DPY30: variants seen among roughly 807,000 people sequenced by gnomAD.
The protein encoded by DPY30 is protein dpy-30 homolog.
A neutral mutation model predicts 16.2 loss-of-function variants in DPY30; 6 were observed. The ratio of observed to expected loss-of-function variants is 0.37; its 90% CI spans 0.20 to 0.73. The LOEUF is 0.73. Ranked by LOEUF, DPY30 falls within the 30% of genes least tolerant of loss-of-function variation. The pLI is 0.51. For synonymous variants in DPY30, 39 were observed against 38.8 expected, an observed-to-expected ratio of 1.00 and a Z score of -0.02; for missense variants, 73 against 113.1, an observed-to-expected ratio of 0.65 and a Z score of 1.61.
chr2:32,036,220 C>T (rs1478764453), intron 3 of DPY30, among the ~76,000 whole-genome samples: 1 of 151,932 alleles, frequency 6.6e-6, no homozygotes, highest in Non-Finnish European at 1.5e-5. Flanking sequence ...TCAAGGAATC[C>T]TCCCACCTTG....
chr2:32,017,615 CA>C (rs59826181), intron 5 of DPY30, among the ~76,000 whole-genome samples: 127,980 of 134,320 alleles, frequency 0.95, 60,909 homozygotes, highest in East Asian at 0.99. Context: ...AACACCATCT[CA>C]AAAAAAAAAA....
downstream of DPY30, among the ~76,000 whole-genome samples, chr2:32,022,658 C>G (rs1031591901): frequency 3.3e-5 from 5 of 151,958 alleles, no homozygotes; most frequent in Admixed American, 6.6e-5. Context: ...GCTGGGACGA[C>G]AGGCACATGC....
chr2:32,027,701 T>C (rs1467990119), intron 4 of DPY30, among the ~76,000 whole-genome samples: 1 of 140,302 alleles, frequency 7.1e-6, no homozygotes, highest in African/African-American at 2.7e-5. Context: ...CAATCTCGGC[T>C]CACTGCAAGC....
intron 3 of DPY30, among the ~76,000 whole-genome samples, chr2:32,035,294 T>A (rs1291895665): frequency 6.6e-6 from 1 of 151,468 alleles, no homozygotes; most frequent in Non-Finnish European, 1.5e-5. Context: ...AAAACAAAAA[T>A]TAAATAAATA....
downstream of DPY30, among the ~76,000 whole-genome samples, chr2:32,019,874 GTA>G (rs543935606): frequency 2.9e-3 from 405 of 137,994 alleles, 4 homozygotes; most frequent in African/African-American, 0.01. Context: ...ATATATATGT[GTA>G]TATATATATG....
chr2:32,023,274 T>C (rs2148655078), downstream of DPY30: 1 of 365,802 alleles, frequency 2.7e-6, no homozygotes, highest in Admixed American at 3.9e-5. Context: ...TTCTCTATTT[T>C]CTGAGCTAGT....
At chr2:32,032,000 C>T (rs1049504674) in intron 3 of DPY30, among the ~76,000 whole-genome samples, 1 of 150,860 alleles carries the variant, frequency 6.6e-6, no homozygotes, top group Non-Finnish European at 1.5e-5. Context: ...TTTAAATGAA[C>T]TTTTGCTTCA....
At chr2:32,039,631 T>A in intron 1 of DPY30, 102 bp downstream of exon 1, 2 of 746,872 alleles carry the variant, frequency 2.7e-6, no homozygotes, top group Non-Finnish European at 4.4e-6. Flanking sequence ...AGCAGCAGAG[T>A]GGGACAGTCC....
intron 4 of DPY30, among the ~76,000 whole-genome samples, chr2:32,025,623 G>A (rs1003667181): frequency 2.6e-5 from 4 of 151,828 alleles, no homozygotes; most frequent in African/African-American, 4.8e-5. Flanking sequence ...TTAGCCGGGC[G>A]TGGTAGTGCA....
chr2:32,039,596 G>C lies in DPY30; in HGVS notation c.-36-104C>G, dbSNP rs2148675037. 2.7e-6 allele frequency: 3 copies of C among 1,123,858 alleles called. No homozygotes were observed. The East Asian group carries it at 7.7e-5, about 29-fold the overall frequency. The allele number at this position is 1,123,858 out of a possible 1,614,324, so 69.6% of individuals were successfully genotyped here. ...CGACCCCGCCCCTCACCCCCACCTG[G>C]GCGCGGGAGCACCACGAGCAGTAGA... On this transcript the variant is annotated intron_variant, in intron 1 of 4. Transcript: ENST00000342166.
At chr2:32,036,670 C>CA (rs766384887) in intron 3 of DPY30, among the ~76,000 whole-genome samples, 8,131 of 70,264 alleles carry the variant, frequency 0.12, 398 homozygotes, top group Middle Eastern at 0.21. Context: ...GACTCTGTCT[C>CA]AAAAAAAAAA....
At chr2:32,026,735 C>T (rs1675343997) in intron 4 of DPY30, among the ~76,000 whole-genome samples, 1 of 151,406 alleles carries the variant, frequency 6.6e-6, no homozygotes, top group Non-Finnish European at 1.5e-5. Context: ...TTGCAGTGAG[C>T]TGACATCGTG....
downstream of DPY30, among the ~76,000 whole-genome samples, chr2:32,021,955 A>C (rs1675192348): frequency 6.6e-6 from 1 of 152,044 alleles, no homozygotes; most frequent in African/African-American, 2.4e-5. Flanking sequence ...CACACCCATA[A>C]TCCTAGCACT....
intron 3 of DPY30, among the ~76,000 whole-genome samples, chr2:32,030,836 C>A (rs1481523310): frequency 6.6e-6 from 1 of 151,806 alleles, no homozygotes; most frequent in Non-Finnish European, 1.5e-5. Flanking sequence ...TAAAAATGAA[C>A]AGGTTTAAGA....
chr2:32,029,424 G>A lies in DPY30; in HGVS notation c.227+170C>T, dbSNP rs145940027. ...TATGCATATGATCTAAGACTGGTGG[G>A]AAAAAATTTAAATGTCTGAATTATG... On this transcript the variant is annotated intron_variant, in intron 4 of 4. Coordinates refer to ENST00000342166, the MANE Select transcript of DPY30 (RefSeq NM_001321209.2). Among the ~76,000 whole-genome samples, 48 of 152,178 alleles carry A rather than the reference G, an allele frequency of 3.2e-4. No homozygotes were observed. In the East Asian group the frequency reaches 9.1e-3, roughly 29 times the overall value.
intron 3 of DPY30, among the ~76,000 whole-genome samples, chr2:32,032,160 G>A (rs1405895614): frequency 6.6e-6 from 1 of 152,006 alleles, no homozygotes; most frequent in Non-Finnish European, 1.5e-5. Context: ...AACTATGTCA[G>A]ACAACTTCTG....
downstream of DPY30, chr2:32,023,627 C>G: frequency 1.2e-6 from 1 of 840,118 alleles, no homozygotes; most frequent in Non-Finnish European, 1.8e-6. Flanking sequence ...ATTGTATCCC[C>G]TTTGCAATGC....
At chr2:32,036,196 T>C (rs1174576306) in intron 3 of DPY30, among the ~76,000 whole-genome samples, 2 of 151,790 alleles carry the variant, frequency 1.3e-5, no homozygotes, top group East Asian at 2.0e-4. Flanking sequence ...CAGGCTGGTC[T>C]TAAACTCCTA....
intron 5 of DPY30, among the ~76,000 whole-genome samples, chr2:32,016,321 A>G (rs1435913171): frequency 2.0e-5 from 3 of 152,034 alleles, no homozygotes; most frequent in Non-Finnish European, 4.4e-5. Flanking sequence ...CAGAGATTTT[A>G]TTTTTTAATA....
Sources: allele counts gnomAD v4.1 joint callset (sites outside exome capture counted in the v4.1 genomes callset), GRCh38; gene constraint gnomAD v4.1.1; transcripts MANE v1.5; gene names NCBI Gene and HGNC (gene_info 2026-07-23, HGNC 2026-07-21).